The following OR4D1 variants were observed in gnomAD, a reference collection of about 807,000 sequenced individuals.
The protein encoded by OR4D1 is olfactory receptor 4D1.
Under a neutral mutation model 14.2 loss-of-function variants are expected in OR4D1, and 10 were observed. The ratio of observed to expected loss-of-function variants is 0.71; its 90% CI spans 0.44 to 1.20. The LOEUF is 1.20. Ranked by LOEUF, OR4D1 falls within the 50% of genes most tolerant of loss-of-function variation. The probability of loss-of-function intolerance (pLI) is 0.00; values close to 1 mark genes in which losing one functional copy is unlikely to be tolerated. For synonymous variants in OR4D1, 141 were observed against 147.4 expected (o/e 0.96, Z 0.32); for missense variants, 345 against 376.6 (o/e 0.92, Z 0.70).
Position 58,157,686 on chromosome 17 carries a change from C to T in OR4D1, c.*1600C>T. 6.2e-7 allele frequency: 1 copy of T among 1,613,944 alleles called. No individual in the cohort carries two copies. Among genetic ancestry groups the T allele is most frequent in the South Asian group, 1.1e-5 (1 of 91,068 alleles). On this transcript the variant is annotated 3_prime_UTR_variant, in exon 4 of 4. Coordinates refer to ENST00000268912, the MANE Select transcript of OR4D1 (RefSeq NM_001386095.1). The stretch of plus-strand genomic sequence containing the variant: ...AGTCTCCCTTTCCCCATCAGCTCGC[C>T]CCTGCAGGCAGCGTCCATATACGCA...
chr17:58,150,635 T>C (rs1213135974), intron 2 of OR4D1, among the ~76,000 whole-genome samples: 1 of 152,200 alleles, frequency 6.6e-6, no homozygotes, highest in East Asian at 1.9e-4. Flanking sequence ...CCACGGTTAC[T>C]GACGGGCTTT....
chr17:58,158,139 T>G lies in OR4D1; in HGVS notation c.*2053T>G, dbSNP rs1967801867. Reference sequence around the variant, plus strand: ...ATTCAAATTATTTTAAAAGGCAAAATTTATATACATATGTGCTTTTTTCCT... The same window carrying G: ...ATTCAAATTATTTTAAAAGGCAAAAGTTATATACATATGTGCTTTTTTCCT... On this transcript the variant is annotated 3_prime_UTR_variant, in exon 4 of 4. Coordinates refer to ENST00000268912, the MANE Select transcript of OR4D1 (RefSeq NM_001386095.1). 1.3e-5 allele frequency: 2 copies of G among 153,046 alleles called. No homozygotes were observed. Among genetic ancestry groups the G allele is most frequent in the South Asian group, 4.1e-4 (2 of 4,852 alleles). 9.5% of individuals were successfully genotyped at this position (153,046 alleles called of 1,614,324 possible).
At position 58,155,380 on chromosome 17, in the gene OR4D1, T is replaced by C. The variant is rs1457402697; in HGVS notation, c.227T>C (p.Val76Ala). 6.2e-7 allele frequency: 1 copy of C among 1,614,206 alleles called. No homozygotes were observed. Among genetic ancestry groups the C allele is most frequent in the African/African-American group, 1.3e-5 (1 of 75,056 alleles). Residue 76 changes from valine (V) to alanine (A), a missense_variant, in exon 4 of 4, where the codon GTC (valine) becomes GCC (alanine). Transcript: ENST00000268912. ...LALIDLCYST[V>A]TSPKMLVDFL... is the part of the protein sequence containing the mutation. The stretch of plus-strand genomic sequence containing the variant: ...CTCATAGACCTCTGCTATTCCACAG[T>C]CACCTCTCCAAAGATGCTGGTGGAC...
Position 58,158,962 on chromosome 17 carries a change from C to A in OR4D1, c.*2876C>A, listed in dbSNP as rs1967815997. On this transcript the variant is annotated 3_prime_UTR_variant, in exon 4 of 4. Coordinates refer to ENST00000268912, the MANE Select transcript of OR4D1 (RefSeq NM_001386095.1). ...GTTGCCAAACAGCCCATTAAGCTCC[C>A]TGGTATTTCACCTTCCTCTCCATCT... 1 of 152,208 alleles carries A rather than the reference C, an allele frequency of 6.6e-6. No homozygotes were observed. Among genetic ancestry groups the A allele is most frequent in the South Asian group, 2.1e-4 (1 of 4,820 alleles). The allele number at this position is 152,208 out of a possible 1,614,324, so 9.4% of individuals were successfully genotyped here. A position where few individuals can be genotyped will look rare whatever the true frequency, so the allele number is the denominator to read the frequency against.
chr17:58,156,371 T>A lies in OR4D1; in HGVS notation c.*285T>A, dbSNP rs1251203879. 3.4e-6 allele frequency: 1 copy of A among 291,316 alleles called. No homozygotes were observed. The highest frequency in any genetic ancestry group is 2.2e-5 in the African/African-American group (1 of 45,024). The allele number at this position is 291,316 out of a possible 1,614,324, so 18.0% of individuals were successfully genotyped here. On this transcript the variant is annotated 3_prime_UTR_variant, in exon 4 of 4. Transcript: ENST00000268912. The stretch of plus-strand genomic sequence containing the variant: ...GTTCAATGATTCTCCTGCCTCAGCC[T>A]CCCGCGCAGCTGGGATTACAGGCAC...
intron 3 of OR4D1, among the ~76,000 whole-genome samples, chr17:58,154,688 C>G (rs534524081): frequency 1.5e-4 from 23 of 152,332 alleles, no homozygotes; most frequent in African/African-American, 5.3e-4. Context: ...GTTTGTTTAT[C>G]TAAAATCATT....
In OR4D1 at chr17:58,149,519, G is replaced by A. The variant is rs984383921; in HGVS notation, c.-404G>A. 1.3e-5 allele frequency: 2 copies of A among 150,994 alleles called. No homozygotes were observed. Among genetic ancestry groups the A allele is most frequent in the South Asian group, 2.1e-4 (1 of 4,820 alleles). The allele number at this position is 150,994 out of a possible 1,614,324, so 9.4% of individuals were successfully genotyped here. A position where few individuals can be genotyped will look rare whatever the true frequency, so the allele number is the denominator to read the frequency against. On this transcript the variant is annotated 5_prime_UTR_variant, in exon 2 of 4. It adds an upstream start codon to the 5' untranslated region. Coordinates refer to ENST00000268912, the MANE Select transcript of OR4D1 (RefSeq NM_001386095.1). ...GAACCAACTATGAGAAAGGGTCTGT[G>A]TGTACCACGTACTGTGTAATACTTA...
chr17:58,156,392 G>T lies in OR4D1; in HGVS notation c.*306G>T. The T allele has an allele frequency of 4.0e-6, 1 of 248,972 alleles. No homozygotes were observed. Among genetic ancestry groups the T allele is most frequent in the Non-Finnish European group, 7.7e-6 (1 of 130,368 alleles). The allele number at this position is 248,972 out of a possible 1,614,324, so 15.4% of individuals were successfully genotyped here. On this transcript the variant is annotated 3_prime_UTR_variant, in exon 4 of 4. Coordinates refer to ENST00000268912, the MANE Select transcript of OR4D1 (RefSeq NM_001386095.1). ...AGCCTCCCGCGCAGCTGGGATTACA[G>T]GCACCCACCACCACGCCCGGCTAAT...
rs1967756806 is a variant in OR4D1 at position 58,155,516 on chromosome 17, C to T, written c.363C>T (p.Asp121=). 2 of 1,614,150 alleles carry T rather than the reference C, an allele frequency of 1.2e-6. No individual in the cohort carries two copies. Among genetic ancestry groups the T allele is most frequent in the African/African-American group, 1.3e-5 (1 of 75,032 alleles). ...TTTTTCTCTCAGTCATGGCCTATGA[C>T]CGCTACATAGCCATCTCCCAGCCCC... The part of the protein sequence containing the change: ...TVFFLSVMAY[D]RYIAISQPLR... Residue 121 remains aspartate, a synonymous_variant, in exon 4 of 4, where the codon GAC becomes GAT. Coordinates refer to ENST00000268912, the MANE Select transcript of OR4D1 (RefSeq NM_001386095.1).
chr17:58,158,797 G>A lies in OR4D1; in HGVS notation c.*2711G>A, dbSNP rs1284105763. ...TATGCTAAATATTCTTGAACAATTGGTAGATCCAGAAAGAAAAAAAATTAT... is the reference window on the plus strand; with the variant it reads ...TATGCTAAATATTCTTGAACAATTGATAGATCCAGAAAGAAAAAAAATTAT... On this transcript the variant is annotated 3_prime_UTR_variant, in exon 4 of 4. Transcript: ENST00000268912. The A allele has an allele frequency of 6.6e-6, 1 of 152,248 alleles. No individual in the cohort carries two copies. Among genetic ancestry groups the A allele is most frequent in the Non-Finnish European group, 1.5e-5 (1 of 68,018 alleles). The allele number at this position is 152,248 out of a possible 1,614,324, so 9.4% of individuals were successfully genotyped here. A position where few individuals can be genotyped will look rare whatever the true frequency, so the allele number is the denominator to read the frequency against.
Position 58,155,614 on chromosome 17 carries a change from T to A in OR4D1, c.461T>A (p.Val154Asp), listed in dbSNP as rs200148232. The change falls in exon 4 of 4, where the codon GTC (valine) becomes GAC (aspartate). Residue 154 changes from valine (V) to aspartate (D), a missense_variant. Val to Asp is a radical substitution (Grantham distance 152, BLOSUM62 -3). Transcript: ENST00000268912. Reference sequence around the variant, plus strand: ...GTAGCCGCCTGGGTGGGGGGCTTTGTCCACTCCATTGTCCAACTGGCTCTG... The same window carrying A: ...GTAGCCGCCTGGGTGGGGGGCTTTGACCACTCCATTGTCCAACTGGCTCTG... ...LVVAAWVGGF[V>D]HSIVQLALIL... 6.2e-7 allele frequency: 1 copy of A among 1,614,062 alleles called. No homozygotes were observed. Among genetic ancestry groups the A allele is most frequent in the Admixed American group, 1.7e-5 (1 of 60,002 alleles).
In OR4D1 at chr17:58,155,700, C is replaced by T. The variant is rs1388298911; in HGVS notation, c.547C>T (p.Gln183Ter). The T allele has an allele frequency of 6.2e-7, 1 of 1,614,058 alleles. No homozygotes were observed. The highest frequency in any genetic ancestry group is 8.5e-7 in the Non-Finnish European group (1 of 1,180,028). Residue 183 changes from glutamine to a stop codon, truncating the protein, a stop_gained, in exon 4 of 4, where the codon CAA (glutamine) becomes TAA (stop). Coordinates refer to ENST00000268912, the MANE Select transcript of OR4D1 (RefSeq NM_001386095.1). LOFTEE classifies it high-confidence loss of function. ...AGATAACTTCTACTGTGATGTTCCC[C>T]AAGTACTGAGACTTGCCTGCACTGA... ...ILDNFYCDVPQVLRLACTDTS... is the reference protein window; with the variant it reads ...ILDNFYCDVP
At position 58,157,219 on chromosome 17, in the gene OR4D1, C is replaced by T; in HGVS notation, c.*1133C>T. 1.4e-6 allele frequency: 2 copies of T among 1,464,580 alleles called. No individual in the cohort carries two copies. Among genetic ancestry groups the T allele is most frequent in the Non-Finnish European group, 1.8e-6 (2 of 1,110,696 alleles). 90.7% of individuals were successfully genotyped at this position (1,464,580 alleles called of 1,614,324 possible). A position where few individuals can be genotyped will look rare whatever the true frequency, so the allele number is the denominator to read the frequency against. On this transcript the variant is annotated 3_prime_UTR_variant, in exon 4 of 4. Transcript: ENST00000268912. ...CCGGCCAAAAGCGCCTCTTCCGGGG[C>T]CACCCTGCGGCTACTGCTGCTGCCG...
At position 58,158,995 on chromosome 17, in the gene OR4D1, C is replaced by A. The variant is rs182768539; in HGVS notation, c.*2909C>A. 4 of 152,328 alleles carry A rather than the reference C, an allele frequency of 2.6e-5. No homozygotes were observed. The highest frequency in any genetic ancestry group is 9.6e-5 in the African/African-American group (4 of 41,552). 9.4% of individuals were successfully genotyped at this position (152,328 alleles called of 1,614,324 possible). A position where few individuals can be genotyped will look rare whatever the true frequency, so the allele number is the denominator to read the frequency against. On this transcript the variant is annotated 3_prime_UTR_variant, in exon 4 of 4. Coordinates refer to ENST00000268912, the MANE Select transcript of OR4D1 (RefSeq NM_001386095.1). ...TCACCTTCCTCTCCATCTCTCCCAT[C>A]CCTCCAGTATGCCTTTACCCCTTTG...
In OR4D1 at chr17:58,158,445, G is replaced by A. The variant is rs908495870; in HGVS notation, c.*2359G>A. The A allele has an allele frequency of 2.7e-4, 18 of 67,828 alleles. No individual in the cohort carries two copies. Among genetic ancestry groups the A allele is most frequent in the Admixed American group, 1.6e-3 (9 of 5,564 alleles). The allele number at this position is 67,828 out of a possible 1,614,324, so 4.2% of individuals were successfully genotyped here. A position where few individuals can be genotyped will look rare whatever the true frequency, so the allele number is the denominator to read the frequency against. On this transcript the variant is annotated 3_prime_UTR_variant, in exon 4 of 4. Coordinates refer to ENST00000268912, the MANE Select transcript of OR4D1 (RefSeq NM_001386095.1). ...CATATTTGTTCCTATCTCTCCCCACGCCCACCCCCCCCCCACACACACATT... is the reference window on the plus strand; with the variant it reads ...CATATTTGTTCCTATCTCTCCCCACACCCACCCCCCCCCCACACACACATT...
chr17:58,157,145 G>A lies in OR4D1; in HGVS notation c.*1059G>A. On this transcript the variant is annotated 3_prime_UTR_variant, in exon 4 of 4. Transcript: ENST00000268912. ...AGGTCTCCAGCCTGCCCTACAGTGT[G>A]GATGCGCTCGTGTCGGACAAGAAGC... 6.8e-7 allele frequency: 1 copy of A among 1,464,486 alleles called. No individual in the cohort carries two copies. The highest frequency in any genetic ancestry group is 9.1e-7 in the Non-Finnish European group (1 of 1,103,748). 90.7% of individuals were successfully genotyped at this position (1,464,486 alleles called of 1,614,324 possible).
rs1967771740 is a variant in OR4D1 at position 58,156,231 on chromosome 17, T to G, written c.*145T>G. On this transcript the variant is annotated 3_prime_UTR_variant, in exon 4 of 4. Transcript: ENST00000268912. The stretch of plus-strand genomic sequence containing the variant: ...ACCTAGTGCTGTGTCAAGTACTGTG[T>G]TAAGCACTTCCACGCTTTTTTTCTT... 3.2e-6 allele frequency: 2 copies of G among 630,214 alleles called. No homozygotes were observed. The highest frequency in any genetic ancestry group is 5.4e-6 in the Non-Finnish European group (2 of 370,852). The allele number at this position is 630,214 out of a possible 1,614,324, so 39.0% of individuals were successfully genotyped here.
At position 58,155,729 on chromosome 17, in the gene OR4D1, C is replaced by T. The variant is rs1291678674; in HGVS notation, c.576C>T (p.Thr192=). 2.5e-6 allele frequency: 4 copies of T among 1,614,010 alleles called. No homozygotes were observed. The African/African-American group carries it at 4.0e-5, about 16-fold the overall frequency. Residue 192 remains threonine, a synonymous_variant, in exon 4 of 4, where the codon ACC becomes ACT. Coordinates refer to ENST00000268912, the MANE Select transcript of OR4D1 (RefSeq NM_001386095.1). ...PQVLRLACTD[T]SLLEFLMISN... is the part of the protein sequence containing the mutation. ...TACTGAGACTTGCCTGCACTGATAC[C>T]TCCCTCCTGGAGTTCCTCATGATCT...
At chr17:58,155,062 C>T in intron 3 of OR4D1, 73 bp from the exon 4 acceptor site, 2 of 1,051,030 alleles carry the variant, frequency 1.9e-6, no homozygotes, top group South Asian at 1.5e-5. Context: ...CAACTCAATC[C>T]TGACTGTCCA....
Sources: allele counts gnomAD v4.1 joint callset (sites outside exome capture counted in the v4.1 genomes callset), GRCh38; gene constraint gnomAD v4.1.1; transcripts MANE v1.5; gene names NCBI Gene and HGNC (gene_info 2026-07-23, HGNC 2026-07-21).